Variants in NIBAN1 observed in about 807,000 individuals in gnomAD.
NIBAN1 encodes protein Niban 1.
NIBAN1 carries 81 observed loss-of-function variants against 75.1 expected under a neutral mutation model. The observed-to-expected ratio is 1.08, with a 90% confidence interval of 0.90 to 1.30. The LOEUF (loss-of-function observed/expected upper bound fraction) is 1.30. NIBAN1 is among the 50% of genes most tolerant of loss of function. NIBAN1 has a pLI of 0.00. For missense variants in NIBAN1, 1,133 were observed against 1,128.1 expected (o/e 1.00, Z -0.06); for synonymous variants, 436 against 424.8 (o/e 1.03, Z -0.32).
chr1:184,906,136 C>T (rs1571563346), intron 1 of NIBAN1, among the ~76,000 whole-genome samples: 1 of 149,502 alleles, frequency 6.7e-6, no homozygotes, highest in Non-Finnish European at 1.5e-5. Context: ...AGCTACTCAG[C>T]AGTGGTGGGG....
At chr1:184,908,586 G>A (rs968469642) in intron 1 of NIBAN1, among the ~76,000 whole-genome samples, 3 of 152,078 alleles carry the variant, frequency 2.0e-5, no homozygotes, top group Non-Finnish European at 4.4e-5. Context: ...TTTAGGAGAG[G>A]AAACCAATAG....
At chr1:184,824,079 G>A (rs1654779511) in intron 6 of NIBAN1, among the ~76,000 whole-genome samples, 1 of 152,146 alleles carries the variant, frequency 6.6e-6, no homozygotes, top group African/African-American at 2.4e-5. Context: ...GTTCAATAAT[G>A]GATAAGGACA....
In NIBAN1 at chr1:184,807,972, G is replaced by C. The variant is rs377452014; in HGVS notation, c.1335+102C>G. 9.6e-6 allele frequency: 13 copies of C among 1,354,322 alleles called. No homozygotes were observed. The African/African-American group carries it at 1.4e-4, about 15-fold the overall frequency. The allele number at this position is 1,354,322 out of a possible 1,614,324, so 83.9% of individuals were successfully genotyped here. A position where few individuals can be genotyped will look rare whatever the true frequency, so the allele number is the denominator to read the frequency against. On this transcript the variant is annotated intron_variant, in intron 10 of 13. Transcript: ENST00000367511. ...AACATGATGGCTAAAGAGACGCGAC[G>C]TATTTCCCTGAGCTACACTAGCAGC...
In NIBAN1 at chr1:184,884,720, T is replaced by C; in HGVS notation, c.514A>G (p.Arg172Gly). ...FPVYLWQPFF[R>G]HGYFCFHEAA... ...TCGTGGAAGCAGAAGTAGCCGTGTC[T>C]GAAGAAGGGCTGCCACAGGTACACT... The change falls in exon 5 of 14, where the codon AGA becomes GGA. Residue 172 changes from arginine to glycine, a missense_variant. By Grantham distance (125) the Arg-to-Gly change is moderately radical (BLOSUM62 -2). Transcript: ENST00000367511. The C allele has an allele frequency of 6.2e-7, 1 of 1,614,182 alleles. No homozygotes were observed. Among genetic ancestry groups the C allele is most frequent in the Non-Finnish European group, 8.5e-7 (1 of 1,180,010 alleles).
intron 1 of NIBAN1, among the ~76,000 whole-genome samples, chr1:184,959,372 A>G (rs999544502): frequency 3.3e-5 from 5 of 152,110 alleles, no homozygotes; most frequent in African/African-American, 1.2e-4. Flanking sequence ...AGATTTTTTT[A>G]TATCTTCCAT....
intron 4 of NIBAN1, among the ~76,000 whole-genome samples, chr1:184,886,285 GGC>G (rs1032135533): frequency 1.3e-5 from 2 of 152,196 alleles, no homozygotes; most frequent in African/African-American, 4.8e-5. Context: ...AGGGTAGGGA[GGC>G]GGGGGAGGGG....
At chr1:184,937,037 G>A (rs1260757913) in intron 1 of NIBAN1, among the ~76,000 whole-genome samples, 2 of 151,804 alleles carry the variant, frequency 1.3e-5, no homozygotes, top group Non-Finnish European at 2.9e-5. Flanking sequence ...TCCTTATACG[G>A]GCGCATTTCT....
At chr1:184,905,371 C>T (rs1657064978) in intron 1 of NIBAN1, among the ~76,000 whole-genome samples, 2 of 152,138 alleles carry the variant, frequency 1.3e-5, no homozygotes, top group Admixed American at 1.3e-4. Flanking sequence ...TCTGACTTGT[C>T]CTGGACTGGC....
At position 184,894,102 on chromosome 1, in the gene NIBAN1, A is replaced by G; in HGVS notation, c.291T>C (p.Tyr97=). ...CTTTATTCTCATAGCTCTCCACAGC[A>G]TAATCATTTTTAACTACAACGTATC... ...KERYVVVKND[Y]AVESYENKEA... is the part of the protein sequence containing the mutation. Residue 97 remains tyrosine, a synonymous_variant, in exon 3 of 14, where the codon TAT becomes TAC. Transcript: ENST00000367511. The G allele has an allele frequency of 1.2e-6, 2 of 1,612,124 alleles. No homozygotes were observed. The highest frequency in any genetic ancestry group is 1.1e-5 in the South Asian group (1 of 90,688).
In NIBAN1 at chr1:184,803,583, A is replaced by G. The variant is rs768320973; in HGVS notation, c.1554+2T>C. 1.9e-6 allele frequency: 3 copies of G among 1,612,552 alleles called. No homozygotes were observed. Among genetic ancestry groups the G allele is most frequent in the South Asian group, 2.2e-5 (2 of 91,012 alleles). On this transcript the variant is annotated splice_donor_variant, in intron 12 of 13. Transcript: ENST00000367511. LOFTEE classifies it high-confidence loss of function. ...GCTCTTTAGGGTAACTCATCCCCTT[A>G]CTGGTTTGCATGTGGACGCCAGTGC...
chr1:184,831,255 ATAAAT>A (rs757542486), intron 6 of NIBAN1, among the ~76,000 whole-genome samples: 3 of 152,196 alleles, frequency 2.0e-5, no homozygotes, highest in Non-Finnish European at 4.4e-5. Flanking sequence ...ACTAGAAAAG[ATAAAT>A]TAAATATATA....
At chr1:184,900,909 C>A (rs1656937760) in intron 1 of NIBAN1, among the ~76,000 whole-genome samples, 1 of 152,112 alleles carries the variant, frequency 6.6e-6, no homozygotes, top group Non-Finnish European at 1.5e-5. Flanking sequence ...ATCATTTTTG[C>A]TTTTAAAATT....
chr1:184,957,752 A>G (rs150607006), intron 1 of NIBAN1, among the ~76,000 whole-genome samples: 2 of 152,354 alleles, frequency 1.3e-5, no homozygotes, highest in African/African-American at 4.8e-5. Context: ...GCCAGTTGAC[A>G]AGTCCAAAAT....
At chr1:184,946,738 C>G (rs1658233694) in intron 1 of NIBAN1, among the ~76,000 whole-genome samples, 1 of 152,180 alleles carries the variant, frequency 6.6e-6, no homozygotes, top group South Asian at 2.1e-4. Context: ...ATTCTCCACT[C>G]TTCATATTTT....
chr1:184,876,421 G>A (rs908217078), intron 5 of NIBAN1, among the ~76,000 whole-genome samples: 3 of 152,048 alleles, frequency 2.0e-5, no homozygotes, highest in Non-Finnish European at 4.4e-5. Context: ...ACTGGGGCCG[G>A]GCATGGTGGC....
intron 5 of NIBAN1, among the ~76,000 whole-genome samples, chr1:184,871,543 A>T (rs1254943442): frequency 6.6e-6 from 1 of 152,050 alleles, no homozygotes; most frequent in Non-Finnish European, 1.5e-5. Flanking sequence ...GAACTTTGAG[A>T]CAATACACTT....
intron 1 of NIBAN1, among the ~76,000 whole-genome samples, chr1:184,914,957 C>T (rs1365792678): frequency 1.3e-5 from 2 of 152,152 alleles, no homozygotes; most frequent in South Asian, 2.1e-4. Context: ...CTCCTGATCT[C>T]GTGATCCGCC....
intron 1 of NIBAN1, among the ~76,000 whole-genome samples, chr1:184,902,869 G>T (rs910473363): frequency 6.6e-6 from 1 of 152,162 alleles, no homozygotes; most frequent in African/African-American, 2.4e-5. Flanking sequence ...ATATCACAGG[G>T]TTTCATGAGG....
chr1:184,928,736 C>A (rs924956798), intron 1 of NIBAN1, among the ~76,000 whole-genome samples: 1 of 152,118 alleles, frequency 6.6e-6, no homozygotes, highest in Non-Finnish European at 1.5e-5. Flanking sequence ...TTCAAGACTG[C>A]CTCTCCCACC....
Sources: allele counts gnomAD v4.1 joint callset (sites outside exome capture counted in the v4.1 genomes callset), GRCh38; gene constraint gnomAD v4.1.1; transcripts MANE v1.5; gene names NCBI Gene and HGNC (gene_info 2026-07-23, HGNC 2026-07-21).